The following ITGB1BP1 variants were observed in gnomAD, a reference collection of about 807,000 sequenced individuals.
ITGB1BP1 encodes integrin subunit beta 1 binding protein 1, also known as integrin beta-1-binding protein 1.
ITGB1BP1 carries 20 observed loss-of-function variants against 28.0 expected under a neutral mutation model. That is an observed-to-expected ratio of 0.71 (90% CI 0.50 to 1.04). ITGB1BP1 has a LOEUF of 1.04. Ranked by LOEUF, ITGB1BP1 falls within the 50% of genes least tolerant of loss-of-function variation. The pLI, the probability that ITGB1BP1 is intolerant of heterozygous loss-of-function variation, is 0.00. For synonymous variants in ITGB1BP1, 103 were observed against 89.5 expected (o/e 1.15, Z -0.85); for missense variants, 228 against 242.5 (o/e 0.94, Z 0.40).
At position 9,414,203 on chromosome 2, in the gene ITGB1BP1, G is replaced by C. The variant is rs1310915575; in HGVS notation, c.126C>G (p.Leu42=). 1 of 1,613,956 alleles carries C rather than the reference G, an allele frequency of 6.2e-7. No homozygotes were observed. The highest frequency in any genetic ancestry group is 8.5e-7 in the Non-Finnish European group (1 of 1,179,888). ...GLSRSSTVAS[L]DTDSTKSSGQ... ...CTGAGCTTTTGGTGGAATCTGTGTC[G>C]AGGCTGGCCACAGTGCTGGATCGTG... is the stretch of plus-strand genomic sequence containing the variant. The change falls in exon 3 of 7, where the codon CTC becomes CTG. Residue 42 remains leucine (L), a synonymous_variant. Coordinates refer to ENST00000355346, the MANE Select transcript of ITGB1BP1 (RefSeq NM_004763.5).
chr2:9,412,300 A>T lies in ITGB1BP1; in HGVS notation c.257T>A (p.Leu86Ter). 1 of 1,612,074 alleles carries T rather than the reference A, an allele frequency of 6.2e-7. No homozygotes were observed. The highest frequency in any genetic ancestry group is 8.5e-7 in the Non-Finnish European group (1 of 1,179,006). Residue 86 changes from leucine (L) to a stop codon, truncating the protein, a stop_gained, in exon 4 of 7, where the codon TTA becomes TAA. Transcript: ENST00000355346. LOFTEE classifies it high-confidence loss of function. Reference protein sequence around the residue: ...LSEGKGLEGPLDLINYIDVAQ... With the variant: ...LSEGKGLEGP ...AACGTCTATATAATTTATCAGGTCT[A>T]ATGGCCCTTCAAGGCCTTTTCCCTC...
intron 4 of ITGB1BP1, among the ~76,000 whole-genome samples, chr2:9,410,596 C>T (rs1045016290): frequency 2.0e-5 from 3 of 152,180 alleles, no homozygotes; most frequent in Non-Finnish European, 4.4e-5. Context: ...TGCACCACCA[C>T]ACCCAGCTAA....
intron 1 of ITGB1BP1, among the ~76,000 whole-genome samples, chr2:9,421,113 T>C (rs1279479113): frequency 6.6e-6 from 1 of 152,194 alleles, no homozygotes; most frequent in Admixed American, 6.5e-5. Context: ...CATCAGATAC[T>C]TAAGTATATA....
chr2:9,406,507 TCGTCTTCCTCAGGCCTTC>T lies in ITGB1BP1; in HGVS notation c.*309_*326del, dbSNP rs1372758110. ...TCACTGAGTGGACCTCTGTGACATC[TCGTCTTCCTCAGGCCTTC>T]AGTGTGTGTTTGTCACTGAGTGGAC... On this transcript the variant is annotated 3_prime_UTR_variant, in exon 7 of 7. Transcript: ENST00000355346. 5,667 of 175,890 alleles carry T rather than the reference TCGTCTTCCTCAGGCCTTC, an allele frequency of 0.032. 1,040 individuals carry two copies. Among genetic ancestry groups the T allele is most frequent in the African/African-American group, 0.16 (5,077 of 32,130 alleles). 10.9% of individuals were successfully genotyped at this position (175,890 alleles called of 1,614,324 possible).
Position 9,412,324 on chromosome 2 carries a change from T to C in ITGB1BP1, c.233A>G (p.Glu78Gly). 1 of 1,612,688 alleles carries C rather than the reference T, an allele frequency of 6.2e-7. No individual in the cohort carries two copies. Among genetic ancestry groups the C allele is most frequent in the Non-Finnish European group, 8.5e-7 (1 of 1,179,058 alleles). Residue 78 changes from glutamate to glycine, a missense_variant, in exon 4 of 7, where the codon GAG (glutamate) becomes GGG (glycine). By Grantham distance (98) the Glu-to-Gly change is moderately conservative. This residue lies in a region of ITGB1BP1 where 192 missense variants were observed against 181.6 expected (regional missense o/e 1.06). Coordinates refer to ENST00000355346, the MANE Select transcript of ITGB1BP1 (RefSeq NM_004763.5). Reference protein sequence around the residue: ...VGAIEKLKLSEGKGLEGPLDL... With the variant: ...VGAIEKLKLSGGKGLEGPLDL... ...TAATGGCCCTTCAAGGCCTTTTCCC[T>C]CGGAGAGTTTCAGTTTCTCAATGGC...
chr2:9,421,142 T>C (rs1343022825), intron 1 of ITGB1BP1, among the ~76,000 whole-genome samples: 1 of 152,194 alleles, frequency 6.6e-6, no homozygotes, highest in African/African-American at 2.4e-5. Flanking sequence ...TATTTATATA[T>C]AGGTAACAAT....
Position 9,408,116 on chromosome 2 carries a change from T to C in ITGB1BP1, c.378A>G (p.Gln126=). The part of the protein sequence containing the change: ...KYGIKVSTSD[Q]YDVLHRHALY... ...CTTAATAAATTATATTACTTACATA[T>C]TGATCTGATGTTGATACTTTTATGC... Residue 126 remains glutamine (Q), a synonymous_variant, in exon 5 of 7, where the codon CAA becomes CAG. Coordinates refer to ENST00000355346, the MANE Select transcript of ITGB1BP1 (RefSeq NM_004763.5). 6.8e-7 allele frequency: 1 copy of C among 1,474,574 alleles called. No homozygotes were observed. Among genetic ancestry groups the C allele is most frequent in the Non-Finnish European group, 9.5e-7 (1 of 1,056,328 alleles). 91.3% of individuals were successfully genotyped at this position (1,474,574 alleles called of 1,614,324 possible). A position where few individuals can be genotyped will look rare whatever the true frequency, so the allele number is the denominator to read the frequency against.
intron 1 of ITGB1BP1, among the ~76,000 whole-genome samples, chr2:9,420,978 T>G (rs1433674215): frequency 1.3e-5 from 2 of 152,166 alleles, no homozygotes; most frequent in East Asian, 3.8e-4. Context: ...ACAGGACACT[T>G]GTCAGTGAGA....
Position 9,423,472 on chromosome 2 carries a change from G to T in ITGB1BP1, c.-135C>A. 1 of 1,187,380 alleles carries T rather than the reference G, an allele frequency of 8.4e-7. No homozygotes were observed. Among genetic ancestry groups the T allele is most frequent in the East Asian group, 5.5e-5 (1 of 18,020 alleles). The allele number at this position is 1,187,380 out of a possible 1,614,324, so 73.6% of individuals were successfully genotyped here. On this transcript the variant is annotated 5_prime_UTR_variant, in exon 1 of 7. The change creates a new upstream start codon in the 5' untranslated region. Coordinates refer to ENST00000355346, the MANE Select transcript of ITGB1BP1 (RefSeq NM_004763.5). ...GGCAGCTACTCCCGTTCCCGCTCCA[G>T]CGCCGGCTTTTCCAGCCCTCCTGCC... is the stretch of plus-strand genomic sequence containing the variant.
chr2:9,413,118 T>G (rs779455511), intron 3 of ITGB1BP1, among the ~76,000 whole-genome samples: 25 of 152,148 alleles, frequency 1.6e-4, no homozygotes, highest in Admixed American at 8.5e-4. Context: ...TACTTTTAGG[T>G]TATGTAACAA....
chr2:9,419,356 A>G (rs1220864058), intron 1 of ITGB1BP1, among the ~76,000 whole-genome samples: 4 of 152,218 alleles, frequency 2.6e-5, no homozygotes, highest in East Asian at 3.9e-4. Flanking sequence ...ACTATGACAC[A>G]TTGGCTTTTC....
intron 1 of ITGB1BP1, chr2:9,422,902 C>T: frequency 3.0e-6 from 3 of 986,182 alleles, no homozygotes; most frequent in Middle Eastern, 1.0e-3. Context: ...ACGGATGCGG[C>T]CAAGCTCGGG....
intron 6 of ITGB1BP1, 127 bp from the exon 7 acceptor site, chr2:9,407,032 G>A: frequency 1.4e-6 from 1 of 726,738 alleles, no homozygotes; most frequent in Non-Finnish European, 2.5e-6. Flanking sequence ...ACACATGCCT[G>A]CCTGGGTCAG....
At chr2:9,408,250 A>G (rs750906296) in intron 4 of ITGB1BP1, 45 bp from the exon 5 acceptor site, 1 of 1,197,554 alleles carries the variant, frequency 8.4e-7, no homozygotes, top group Admixed American at 1.7e-5. Flanking sequence ...AAAATTACAT[A>G]ATAGTCTTAA....
chr2:9,413,147 C>A (rs11682015), intron 3 of ITGB1BP1, among the ~76,000 whole-genome samples: 89,976 of 152,034 alleles, frequency 0.59, 28,460 homozygotes, highest in African/African-American at 0.76. Context: ...CCACAACTTT[C>A]ATAATTTTAA....
intron 2 of ITGB1BP1, among the ~76,000 whole-genome samples, chr2:9,416,370 C>T (rs1679135773): frequency 6.6e-6 from 1 of 152,160 alleles, no homozygotes; most frequent in African/African-American, 2.4e-5. Flanking sequence ...AACGTCTACA[C>T]CAGCAGACAT....
At chr2:9,423,214 G>C in intron 1 of ITGB1BP1, 159 bp downstream of exon 1, 4 of 1,084,746 alleles carry the variant, frequency 3.7e-6, no homozygotes, top group Non-Finnish European at 4.5e-6. Context: ...CCCCGGGAGC[G>C]CGGCCCCGCC....
At chr2:9,411,487 C>T (rs548717181) in intron 4 of ITGB1BP1, among the ~76,000 whole-genome samples, 3 of 152,080 alleles carry the variant, frequency 2.0e-5, no homozygotes, top group South Asian at 2.1e-4. Context: ...TTTGGGAGGC[C>T]GAGGCAGGTG....
In ITGB1BP1 at chr2:9,407,898, G is replaced by T. The variant is rs553967732; in HGVS notation, c.381+215C>A. The T allele has an allele frequency of 7.6e-4, 349 of 460,746 alleles. 6 individuals are homozygous for T. In the South Asian group the frequency reaches 8.5e-3, roughly 11 times the overall value. The allele number at this position is 460,746 out of a possible 1,614,324, so 28.5% of individuals were successfully genotyped here. ...CGGAGCCATCTGTGTGTTTGGGGGT[G>T]GGGGGGGCAGGTTGCATGGGCCCTT... On this transcript the variant is annotated intron_variant, in intron 5 of 6. Coordinates refer to ENST00000355346, the MANE Select transcript of ITGB1BP1 (RefSeq NM_004763.5).
Sources: gnomAD v4.1 joint callset for allele counts (sites outside exome capture counted in the v4.1 genomes callset) on GRCh38, gnomAD v4.1.1 for gene constraint, gnomAD v4.1.1 regional missense constraint, MANE v1.5 for transcripts, NCBI Gene and HGNC (gene_info 2026-07-23, HGNC 2026-07-21) for gene names.